The following WASF3 variants were observed in gnomAD, a reference collection of about 807,000 sequenced individuals.
WASF3 encodes WASP family member 3.
In WASF3, 11 loss-of-function variants were observed where a neutral mutation model predicts 46.6. The ratio of observed to expected loss-of-function variants is 0.24; its 90% CI spans 0.15 to 0.39. The LOEUF (loss-of-function observed/expected upper bound fraction) is 0.39. WASF3 is among the 10% of genes least tolerant of loss of function. WASF3 has a pLI of 1.00. For missense variants in WASF3, 576 were observed against 669.8 expected, an observed-to-expected ratio of 0.86 and a Z score of 1.55; for synonymous variants, 242 against 259.7, an observed-to-expected ratio of 0.93 and a Z score of 0.65.
chr13:26,652,837 A>G (rs558429758), intron 3 of WASF3, among the ~76,000 whole-genome samples: 1 of 152,348 alleles, frequency 6.6e-6, no homozygotes, highest in South Asian at 2.1e-4. Flanking sequence ...AGAAGTGTAT[A>G]GAGAAAAATT....
At position 26,685,559 on chromosome 13, in the gene WASF3, C is replaced by T. The variant is rs559172485; in HGVS notation, c.1352-129C>T. The T allele has an allele frequency of 2.1e-3, 2,405 of 1,166,564 alleles. 7 individuals are homozygous for T. Among genetic ancestry groups the T allele is most frequent in the Non-Finnish European group, 1.8e-3 (1,500 of 843,340 alleles). The allele number at this position is 1,166,564 out of a possible 1,614,324, so 72.3% of individuals were successfully genotyped here. A position where few individuals can be genotyped will look rare whatever the true frequency, so the allele number is the denominator to read the frequency against. ...TTAATATTCCCTGAGCTTTTCTCCCCTCAAATTTCTAAAACTTTCTGTCCT... is the reference window on the plus strand; with the variant it reads ...TTAATATTCCCTGAGCTTTTCTCCCTTCAAATTTCTAAAACTTTCTGTCCT... On this transcript the variant is annotated intron_variant, in intron 9 of 9. Transcript: ENST00000335327.
chr13:26,668,614 T>C (rs527591906), intron 5 of WASF3, among the ~76,000 whole-genome samples: 1 of 152,378 alleles, frequency 6.6e-6, no homozygotes, highest in East Asian at 1.9e-4. Flanking sequence ...TTCTTGGTCC[T>C]AATTCCTGTC....
At chr13:26,667,040 C>G (rs1469500341) in intron 4 of WASF3, among the ~76,000 whole-genome samples, 1 of 152,064 alleles carries the variant, frequency 6.6e-6, no homozygotes, top group African/African-American at 2.4e-5. Context: ...AAAGCTTTGC[C>G]ATTTGCCATC....
intron 2 of WASF3, chr13:26,641,906 G>A (rs564612446): frequency 6.5e-6 from 1 of 154,426 alleles, no homozygotes; most frequent in African/African-American, 2.4e-5. Flanking sequence ...GGCCTTTCCT[G>A]TCTCTTAATC....
the WASF3 span, among the ~76,000 whole-genome samples, chr13:26,550,987 T>A: frequency 6.6e-6 from 1 of 152,206 alleles, no homozygotes; most frequent in Non-Finnish European, 1.5e-5. Context: ...TGAATTGTAA[T>A]CCCCACATAT....
chr13:26,578,756 C>G (rs1330534398), intron 1 of WASF3, among the ~76,000 whole-genome samples: 1 of 152,020 alleles, frequency 6.6e-6, no homozygotes, highest in East Asian at 1.9e-4. Flanking sequence ...AAACTTCTTT[C>G]GTTTCATGTA....
intron 1 of WASF3, among the ~76,000 whole-genome samples, chr13:26,599,299 C>G (rs982639572): frequency 6.6e-6 from 1 of 151,362 alleles, no homozygotes; most frequent in Non-Finnish European, 1.5e-5. Context: ...TCTCCTGCCT[C>G]AGCCTCTGGT....
At chr13:26,666,475 CTG>C (rs1882773886) in intron 4 of WASF3, among the ~76,000 whole-genome samples, 1 of 152,152 alleles carries the variant, frequency 6.6e-6, no homozygotes, top group Non-Finnish European at 1.5e-5. Context: ...GACAGGAAGT[CTG>C]TATTCTGTTT....
Position 26,687,458 on chromosome 13 carries a change from T to C in WASF3, c.*1613T>C, listed in dbSNP as rs536358233. 6.6e-6 allele frequency: 1 copy of C among 152,194 alleles called. No homozygotes were observed. The highest frequency in any genetic ancestry group is 1.5e-5 in the Non-Finnish European group (1 of 68,056). 9.4% of individuals were successfully genotyped at this position (152,194 alleles called of 1,614,324 possible). A position where few individuals can be genotyped will look rare whatever the true frequency, so the allele number is the denominator to read the frequency against. Reference sequence around the variant, plus strand: ...TGTGTGTGTCTCGAGTGGCTACCTGTTGGGCTTGTGGGCAGTGATTGTACA... The same window carrying C: ...TGTGTGTGTCTCGAGTGGCTACCTGCTGGGCTTGTGGGCAGTGATTGTACA... On this transcript the variant is annotated 3_prime_UTR_variant, in exon 10 of 10. Transcript: ENST00000335327.
At chr13:26,616,483 T>C (rs1050133721) in intron 2 of WASF3, among the ~76,000 whole-genome samples, 1 of 152,234 alleles carries the variant, frequency 6.6e-6, no homozygotes, top group Non-Finnish European at 1.5e-5. Flanking sequence ...CAAGAATTCT[T>C]TATATATTCT....
At chr13:26,651,763 T>C (rs1024177105) in intron 3 of WASF3, among the ~76,000 whole-genome samples, 1 of 152,196 alleles carries the variant, frequency 6.6e-6, no homozygotes, top group Non-Finnish European at 1.5e-5. Context: ...TGTTTAAAAT[T>C]TATGGCATTT....
intron 1 of WASF3, among the ~76,000 whole-genome samples, chr13:26,559,392 GT>G (rs986428956): frequency 5.3e-5 from 8 of 152,192 alleles, no homozygotes; most frequent in African/African-American, 1.9e-4. Context: ...AATAGCATTT[GT>G]TTTTAAAAAA....
rs1192314865 is a variant in WASF3 at position 26,594,073 on chromosome 13, C to CTTAA, written c.-108-18888_-108-18887insTTAA. ...GATTTAGGTAATTTAAGGCTCTTAA[C>CTTAA]ATATAATGACAACAAAAGTATTCCA... On this transcript the variant is annotated intron_variant, in intron 1 of 9. Coordinates refer to ENST00000335327, the MANE Select transcript of WASF3 (RefSeq NM_006646.6). 6.6e-5 allele frequency among the ~76,000 whole-genome samples: 10 copies of CTTAA among 152,308 alleles called. No homozygotes were observed. The South Asian group carries it at 1.9e-3, about 28-fold the overall frequency.
At chr13:26,635,200 T>C (rs973669777) in intron 2 of WASF3, among the ~76,000 whole-genome samples, 5 of 152,134 alleles carry the variant, frequency 3.3e-5, no homozygotes, top group African/African-American at 9.7e-5. Flanking sequence ...TTACTTTTTT[T>C]CTCTAAACTT....
At chr13:26,603,573 A>G (rs1260195188) in intron 1 of WASF3, among the ~76,000 whole-genome samples, 1 of 152,134 alleles carries the variant, frequency 6.6e-6, no homozygotes. Context: ...CACACCTATA[A>G]TCTTGGCATT....
intron 1 of WASF3, among the ~76,000 whole-genome samples, chr13:26,591,644 A>T (rs968962033): frequency 1.3e-5 from 2 of 152,168 alleles, no homozygotes; most frequent in African/African-American, 2.4e-5. Context: ...AGGGTTGTGT[A>T]TTAGACATCC....
chr13:26,575,610 A>T (rs1256650852), intron 1 of WASF3, among the ~76,000 whole-genome samples: 1 of 152,226 alleles, frequency 6.6e-6, no homozygotes, highest in Non-Finnish European at 1.5e-5. Context: ...GGAAAGATAC[A>T]TGTGTAAGTA....
rs149064559 is a variant in WASF3 at position 26,587,082 on chromosome 13, G to A, written c.-108-25879G>A. On this transcript the variant is annotated intron_variant, in intron 1 of 9. Coordinates refer to ENST00000335327, the MANE Select transcript of WASF3 (RefSeq NM_006646.6). ...TGTGCCACTACACTGTAGCCTGGGC[G>A]ACAGATTAAGACCCTGCCTCAAAAA... 7.4e-3 allele frequency among the ~76,000 whole-genome samples: 813 copies of A among 109,964 alleles called. 13 individuals carry two copies. The highest frequency in any genetic ancestry group is 0.027 in the African/African-American group (767 of 28,190). The allele number at this position is 109,964 out of a possible 152,430, so 72.1% of individuals were successfully genotyped here.
intron 1 of WASF3, among the ~76,000 whole-genome samples, chr13:26,588,799 A>G (rs1037331424): frequency 4.6e-5 from 7 of 151,914 alleles, no homozygotes; most frequent in African/African-American, 7.3e-5. Context: ...TATTTCTTCT[A>G]TAATTTATTT....
Sources: gnomAD v4.1 joint callset for allele counts (sites outside exome capture counted in the v4.1 genomes callset) on GRCh38, gnomAD v4.1.1 for gene constraint, MANE v1.5 for transcripts, NCBI Gene and HGNC (gene_info 2026-07-23, HGNC 2026-07-21) for gene names.